IGF2R: variants seen among roughly 807,000 people sequenced by gnomAD.
The protein encoded by IGF2R is cation-independent mannose-6-phosphate receptor.
IGF2R carries 91 observed loss-of-function variants against 270.6 expected under a neutral mutation model. The observed-to-expected ratio is 0.34, with a 90% CI of 0.28 to 0.40. The LOEUF (loss-of-function observed/expected upper bound fraction) is 0.40. Among genes scored for constraint, IGF2R ranks in the 10% least tolerant of loss-of-function variants. IGF2R has a pLI of 1.00. For synonymous variants in IGF2R, 1,316 were observed against 1,258.9 expected, an observed-to-expected ratio of 1.05 and a Z score of -0.96; for missense variants, 2,805 against 3,188.3, an observed-to-expected ratio of 0.88 and a Z score of 2.90.
At position 160,079,629 on chromosome 6, in the gene IGF2R, T is replaced by C. The variant is rs545752120; in HGVS notation, c.5528T>C (p.Val1843Ala). 6.4e-7 allele frequency: 1 copy of C among 1,553,604 alleles called. No homozygotes were observed. The highest frequency in any genetic ancestry group is 1.2e-5 in the South Asian group (1 of 81,770). The change falls in exon 38 of 48, where the codon GTC becomes GCC. Residue 1843 changes from valine to alanine, a missense_variant. Transcript: ENST00000356956. ...AGCGTTGGGGTGTGCACCTTTGCAG[T>C]CGGGCCAGAACAAGGAGGCTGTAAG... ...TYSVGVCTFA[V>A]GPEQGGCKDG... is the part of the protein sequence containing the mutation.
chr6:160,043,017 G>A (rs1461562856), intron 11 of IGF2R, 131 bp from the exon 12 acceptor site: 37 of 910,454 alleles, frequency 4.1e-5, no homozygotes, highest in Non-Finnish European at 5.3e-5. Flanking sequence ...TCCAGAAACA[G>A]CGCTGGGGAT....
At chr6:160,012,755 ATATATATATTTTTTTTTTTTTTTG>A (rs1394624458) in intron 4 of IGF2R, among the ~76,000 whole-genome samples, 3 of 71,558 alleles carry the variant, frequency 4.2e-5, no homozygotes, top group Admixed American at 1.2e-4. Flanking sequence ...TTATATATAT[ATATATATATTTTTTTTTTTTTTTG>A]TTTGTTTGTT....
At chr6:160,061,257 T>A (rs537278408) in intron 23 of IGF2R, among the ~76,000 whole-genome samples, 4 of 152,312 alleles carry the variant, frequency 2.6e-5, no homozygotes, top group African/African-American at 7.2e-5. Flanking sequence ...GTGATCCTCC[T>A]GCCTCAGCCT....
chr6:160,034,073 C>T (rs759843554), intron 9 of IGF2R, among the ~76,000 whole-genome samples: 12 of 152,196 alleles, frequency 7.9e-5, no homozygotes, highest in Admixed American at 2.0e-4. Flanking sequence ...CCCTCAGGCA[C>T]GGCTGTGTTC....
intron 45 of IGF2R, among the ~76,000 whole-genome samples, chr6:160,101,940 G>A (rs1779495073): frequency 6.6e-6 from 1 of 152,212 alleles, no homozygotes; most frequent in African/African-American, 2.4e-5. Context: ...TCCTGGGATG[G>A]AGCAGGCTTG....
At chr6:159,981,263 G>A (rs941178749) in intron 1 of IGF2R, among the ~76,000 whole-genome samples, 4 of 152,298 alleles carry the variant, frequency 2.6e-5, no homozygotes, top group African/African-American at 7.2e-5. Context: ...GTGCGTGAGT[G>A]CGTGTGTGAG....
chr6:160,045,948 A>T, intron 14 of IGF2R, 66 bp downstream of exon 14: 1 of 1,380,680 alleles, frequency 7.2e-7, no homozygotes, highest in South Asian at 1.6e-5. Context: ...TTTCCTTAAC[A>T]TTCTGTGTGA....
At position 160,070,170 on chromosome 6, in the gene IGF2R, G is replaced by A. The variant is rs1778684833; in HGVS notation, c.4443+112G>A. On this transcript the variant is annotated intron_variant, in intron 31 of 47. Coordinates refer to ENST00000356956, the MANE Select transcript of IGF2R (RefSeq NM_000876.4). ...CCTTGGGATGCGAGTTCTAGAGCCT[G>A]GGATGATGCGCCCTTACCAGAGGTT... 6 of 1,015,210 alleles carry A rather than the reference G, an allele frequency of 5.9e-6. No homozygotes were observed. In the East Asian group the frequency reaches 1.6e-4, roughly 26 times the overall value. The allele number at this position is 1,015,210 out of a possible 1,614,324, so 62.9% of individuals were successfully genotyped here. A position where few individuals can be genotyped will look rare whatever the true frequency, so the allele number is the denominator to read the frequency against.
chr6:160,064,929 T>C, intron 29 of IGF2R, 28 bp downstream of exon 29: 1 of 1,430,640 alleles, frequency 7.0e-7, no homozygotes, highest in Non-Finnish European at 9.9e-7. Context: ...TTGTCTCTTT[T>C]GGACAGACTA....
intron 44 of IGF2R, 51 bp from the exon 45 acceptor site, chr6:160,096,388 G>A (rs1187416672): frequency 3.9e-6 from 6 of 1,538,922 alleles, no homozygotes; most frequent in Non-Finnish European, 5.3e-6. Flanking sequence ...AGCTCAGTCT[G>A]CTCGTGAAAA....
chr6:160,048,325 G>T, intron 17 of IGF2R, 50 bp from the exon 18 acceptor site: 1 of 1,531,798 alleles, frequency 6.5e-7, no homozygotes, highest in Non-Finnish European at 9.0e-7. Context: ...AAATGAGACT[G>T]AAATGTGTAA....
chr6:160,021,683 A>G lies in IGF2R; in HGVS notation c.514-2889A>G, dbSNP rs1276821024. On this transcript the variant is annotated intron_variant, in intron 4 of 47. Coordinates refer to ENST00000356956, the MANE Select transcript of IGF2R (RefSeq NM_000876.4). ...AAAAAAAACCCCACAATGAGATACCATCTTATACCAGTCAAAAATGGCAAT... is the reference window on the plus strand; with the variant it reads ...AAAAAAAACCCCACAATGAGATACCGTCTTATACCAGTCAAAAATGGCAAT... Among the ~76,000 whole-genome samples, 3 of 152,090 alleles carry G rather than the reference A, an allele frequency of 2.0e-5. No individual in the cohort carries two copies. In the East Asian group the frequency reaches 5.8e-4, roughly 29 times the overall value.
chr6:160,023,961 C>T (rs1262346858), intron 4 of IGF2R, among the ~76,000 whole-genome samples: 1 of 152,154 alleles, frequency 6.6e-6, no homozygotes, highest in Non-Finnish European at 1.5e-5. Flanking sequence ...AACCAGGAGC[C>T]TGTGGATGCA....
Position 160,061,943 on chromosome 6 carries a change from C to A in IGF2R, c.3582+15C>A. On this transcript the variant is annotated intron_variant, in intron 25 of 47. Coordinates refer to ENST00000356956, the MANE Select transcript of IGF2R (RefSeq NM_000876.4). ...CTCAGATATCGGTGTGTGTTCAGAC[C>A]AGCAATGAGATGTTGTCCCCGGGTG... The A allele has an allele frequency of 6.2e-7, 1 of 1,611,460 alleles. No homozygotes were observed. The highest frequency in any genetic ancestry group is 1.1e-5 in the South Asian group (1 of 90,978).
chr6:160,033,120 C>A lies in IGF2R; in HGVS notation c.1211+13C>A, dbSNP rs773567926. ...ATCAGACCCTCCGGTACGTCAACAACCTCTGTGCGATTTTCCTTTTTCTTT... is the reference window on the plus strand; with the variant it reads ...ATCAGACCCTCCGGTACGTCAACAAACTCTGTGCGATTTTCCTTTTTCTTT... On this transcript the variant is annotated intron_variant, in intron 9 of 47. Transcript: ENST00000356956. 1 of 1,600,398 alleles carries A rather than the reference C, an allele frequency of 6.2e-7. No homozygotes were observed. The highest frequency in any genetic ancestry group is 8.6e-7 in the Non-Finnish European group (1 of 1,169,504).
chr6:159,988,240 G>T (rs1243668844), intron 1 of IGF2R, among the ~76,000 whole-genome samples: 2 of 152,072 alleles, frequency 1.3e-5, no homozygotes, highest in East Asian at 3.9e-4. Flanking sequence ...AGCAGGCCGG[G>T]CGCGGTGGCT....
chr6:159,990,072 C>G (rs968298365), intron 1 of IGF2R, among the ~76,000 whole-genome samples: 1 of 152,202 alleles, frequency 6.6e-6, no homozygotes, highest in African/African-American at 2.4e-5. Flanking sequence ...AACTGTAGCT[C>G]TAAGAGGTAA....
chr6:160,007,058 C>T (rs1034291860), intron 2 of IGF2R: 1 of 151,892 alleles, frequency 6.6e-6, no homozygotes, highest in African/African-American at 2.4e-5. Context: ...TTGTTTTTCA[C>T]TGTGGTTTAT....
chr6:160,039,858 G>A (rs1210238589), intron 10 of IGF2R, among the ~76,000 whole-genome samples: 1 of 152,132 alleles, frequency 6.6e-6, no homozygotes, highest in Non-Finnish European at 1.5e-5. Context: ...TCAGACTTAG[G>A]CCTGAACTAT....
Sources: allele counts gnomAD v4.1 joint callset (sites outside exome capture counted in the v4.1 genomes callset), GRCh38; gene constraint gnomAD v4.1.1; transcripts MANE v1.5; gene names NCBI Gene and HGNC (gene_info 2026-07-23, HGNC 2026-07-21).